UHMK1: variants seen among roughly 807,000 people sequenced by gnomAD.
The protein encoded by UHMK1 is serine/threonine-protein kinase Kist.
In UHMK1, 18 loss-of-function variants were observed where a neutral mutation model predicts 44.0. The ratio of observed to expected loss-of-function variants is 0.41; its 90% CI spans 0.28 to 0.61. The LOEUF is 0.61. Ranked by LOEUF, UHMK1 falls within the 20% of genes least tolerant of loss-of-function variation. UHMK1 has a pLI of 0.31. For synonymous variants in UHMK1, 231 were observed against 198.5 expected, an observed-to-expected ratio of 1.16 and a Z score of -1.38; for missense variants, 463 against 522.5, an observed-to-expected ratio of 0.89 and a Z score of 1.11.
At position 162,529,538 on chromosome 1, in the gene UHMK1, A is replaced by G. The variant is rs575933798; in HGVS notation, c.*6988A>G. 2.0e-5 allele frequency: 3 copies of G among 152,310 alleles called. No individual in the cohort carries two copies. Among genetic ancestry groups the G allele is most frequent in the Admixed American group, 1.3e-4 (2 of 15,306 alleles). 9.4% of individuals were successfully genotyped at this position (152,310 alleles called of 1,614,324 possible). On this transcript the variant is annotated 3_prime_UTR_variant, in exon 8 of 8. Coordinates refer to ENST00000489294, the MANE Select transcript of UHMK1 (RefSeq NM_175866.5). ...CAGTTTTGTTGTAAACTGACTTACC[A>G]TAAGATGCACTGTTGATAATGCTTT...
At chr1:162,519,133 G>A (rs908853287) in intron 7 of UHMK1, among the ~76,000 whole-genome samples, 7 of 150,038 alleles carry the variant, frequency 4.7e-5, no homozygotes, top group African/African-American at 1.5e-4. Context: ...CCCGGCCAAC[G>A]TGGTGAAACC....
In UHMK1 at chr1:162,499,985, T is replaced by C; in HGVS notation, c.299T>C (p.Phe100Ser). Residue 100 changes from phenylalanine (F) to serine (S), a missense_variant, in exon 2 of 8, where the codon TTT (phenylalanine) becomes TCT (serine). By Grantham distance (155) the Phe-to-Ser change is radical. Around this residue, in one of 3 missense-constraint regions of UHMK1, gnomAD observed 191 missense variants for 176.0 expected, o/e 1.09. Transcript: ENST00000489294. ...VTLYGVFTIH[F>S]SPNVPSRCLL... ...TTGTATGGAGTGTTTACAATCCACT[T>C]TTCTCCAAATGTGCCATCACGCTGT... The C allele has an allele frequency of 6.2e-7, 1 of 1,614,234 alleles. No homozygotes were observed. Among genetic ancestry groups the C allele is most frequent in the Non-Finnish European group, 8.5e-7 (1 of 1,180,054 alleles).
chr1:162,514,332 C>G (rs772503245), intron 6 of UHMK1, among the ~76,000 whole-genome samples: 1 of 151,634 alleles, frequency 6.6e-6, no homozygotes, highest in African/African-American at 2.4e-5. Context: ...CATGATGTCT[C>G]TCACTTACTA....
At chr1:162,509,198 G>A (rs756169639) in intron 4 of UHMK1, among the ~76,000 whole-genome samples, 13 of 152,136 alleles carry the variant, frequency 8.5e-5, no homozygotes, top group Admixed American at 2.6e-4. Flanking sequence ...CTGTTGTTTT[G>A]TATAATATTC....
chr1:162,518,863 C>G (rs1651938207), intron 7 of UHMK1, among the ~76,000 whole-genome samples: 1 of 151,368 alleles, frequency 6.6e-6, no homozygotes, highest in Non-Finnish European at 1.5e-5. Flanking sequence ...TGGCGCATGC[C>G]TCTAATCCCA....
intron 7 of UHMK1, among the ~76,000 whole-genome samples, chr1:162,520,899 A>G (rs1652029203): frequency 1.3e-5 from 2 of 152,206 alleles, no homozygotes; most frequent in Admixed American, 1.3e-4. Context: ...GAAGATACAG[A>G]ATAGAGAGAC....
chr1:162,507,458 T>C (rs1651509669), intron 4 of UHMK1, among the ~76,000 whole-genome samples: 1 of 152,074 alleles, frequency 6.6e-6, no homozygotes, highest in Admixed American at 6.6e-5. Context: ...TTTTCCTTTC[T>C]TTTTTTAAGA....
Position 162,503,851 on chromosome 1 carries a change from A to G in UHMK1, c.848+3A>G. 6.2e-7 allele frequency: 1 copy of G among 1,612,778 alleles called. No individual in the cohort carries two copies. Among genetic ancestry groups the G allele is most frequent in the South Asian group, 1.1e-5 (1 of 90,936 alleles). On this transcript the variant is annotated splice_donor_region_variant and intron_variant, in intron 4 of 7. Transcript: ENST00000489294. ...CACCTAAGAGACCTTATCAAAAGGT[A>G]TGTTACACGTACCATAAACTTGCTT...
At chr1:162,522,081 A>T (rs1322790791) in intron 7 of UHMK1, among the ~76,000 whole-genome samples, 1 of 128,518 alleles carries the variant, frequency 7.8e-6, no homozygotes, top group Admixed American at 8.1e-5. Context: ...GTCTAGTGTT[A>T]TTCATCACTC....
chr1:162,512,543 G>A lies in UHMK1; in HGVS notation c.892G>A (p.Ala298Thr). ...DPSRRIPAEM[A>T]LCSPFFSIPF... is the part of the protein sequence containing the mutation. ...AAGCAGAAGAATTCCTGCTGAAATG[G>A]CATTGTGCAGCCCATTCTTTAGCAT... The change falls in exon 5 of 8, where the codon GCA becomes ACA. Residue 298 changes from alanine (A) to threonine (T), a missense_variant. This residue lies in a region of UHMK1 where 264 missense variants were observed against 326.3 expected (regional missense o/e 0.81). Transcript: ENST00000489294. 11 of 1,612,790 alleles carry A rather than the reference G, an allele frequency of 6.8e-6. No individual in the cohort carries two copies. Among genetic ancestry groups the A allele is most frequent in the Non-Finnish European group, 9.3e-6 (11 of 1,179,694 alleles).
chr1:162,500,392 A>G, intron 2 of UHMK1, 145 bp downstream of exon 2: 8 of 1,009,118 alleles, frequency 7.9e-6, no homozygotes, highest in Non-Finnish European at 1.1e-5. Context: ...CAGTAAATCA[A>G]AAGAATTTCA....
Position 162,517,047 on chromosome 1 carries a change from C to T in UHMK1, c.1025-1055C>T, listed in dbSNP as rs751166719. ...GGCGCAGTGGCTCACGCCTGTAATC[C>T]CAACACTTTGGGAGGCCAAGGCAGA... is the stretch of plus-strand genomic sequence containing the variant. On this transcript the variant is annotated intron_variant, in intron 6 of 7. Coordinates refer to ENST00000489294, the MANE Select transcript of UHMK1 (RefSeq NM_175866.5). 1.2e-4 allele frequency among the ~76,000 whole-genome samples: 18 copies of T among 152,304 alleles called. 1 individual carries two copies. In the South Asian group the frequency reaches 1.4e-3, roughly 12 times the overall value.
At chr1:162,499,712 A>G (rs1395592813) in intron 1 of UHMK1, among the ~76,000 whole-genome samples, 1 of 152,184 alleles carries the variant, frequency 6.6e-6, no homozygotes. Context: ...CACAAATTGA[A>G]TAATTGTACC....
At chr1:162,512,899 A>G (rs1651716522) in intron 6 of UHMK1, 76 bp downstream of exon 6, 31 of 1,337,574 alleles carry the variant, frequency 2.3e-5, no homozygotes, top group Non-Finnish European at 3.0e-5. Flanking sequence ...TAACATTTTC[A>G]TATTTCTCAA....
intron 7 of UHMK1, among the ~76,000 whole-genome samples, chr1:162,521,722 G>A (rs1652065886): frequency 6.6e-6 from 1 of 152,180 alleles, no homozygotes; most frequent in South Asian, 2.1e-4. Context: ...TTCGCCTCCC[G>A]GGTTCAAGTG....
intron 7 of UHMK1, among the ~76,000 whole-genome samples, chr1:162,521,711 C>T (rs535829657): frequency 3.9e-5 from 6 of 152,356 alleles, no homozygotes; most frequent in African/African-American, 1.4e-4. Context: ...TCCCTGCAAC[C>T]TTCGCCTCCC....
intron 4 of UHMK1, among the ~76,000 whole-genome samples, chr1:162,507,581 C>CTTTTTTT (rs548617627): frequency 2.1e-4 from 28 of 133,220 alleles, no homozygotes; most frequent in African/African-American, 3.1e-4. Flanking sequence ...CCCATTCTTT[C>CTTTTTTT]TTTTTTTTTT....
intron 3 of UHMK1, among the ~76,000 whole-genome samples, chr1:162,503,461 A>G (rs977866726): frequency 6.6e-6 from 1 of 152,012 alleles, no homozygotes; most frequent in Non-Finnish European, 1.5e-5. Flanking sequence ...AATACAAAAA[A>G]TTAGCTGGAT....
At chr1:162,497,665 C>G (rs546821537), upstream of UHMK1, 4 of 705,334 alleles carry the variant, frequency 5.7e-6, no homozygotes, top group South Asian at 1.3e-4. Flanking sequence ...TAACACTGGG[C>G]CTGGAATGGT....
Sources: gnomAD v4.1 joint callset for allele counts (sites outside exome capture counted in the v4.1 genomes callset) on GRCh38, gnomAD v4.1.1 for gene constraint, gnomAD v4.1.1 regional missense constraint, MANE v1.5 for transcripts, NCBI Gene and HGNC (gene_info 2026-07-23, HGNC 2026-07-21) for gene names.